The following TFAP2C variants were observed in gnomAD, a reference collection of about 807,000 sequenced individuals.
The protein encoded by TFAP2C is transcription factor AP-2 gamma, also known as activating enhancer-binding protein 2 gamma.
TFAP2C carries 9 observed loss-of-function variants against 42.9 expected under a neutral mutation model. The ratio of observed to expected loss-of-function variants is 0.21; its 90% CI spans 0.13 to 0.37. The LOEUF (loss-of-function observed/expected upper bound fraction) is 0.37. Ranked by LOEUF, TFAP2C falls within the 10% of genes least tolerant of loss-of-function variation. The pLI is 1.00. For missense variants in TFAP2C, 462 were observed against 591.7 expected, an observed-to-expected ratio of 0.78 and a Z score of 2.27; for synonymous variants, 264 against 256.0, an observed-to-expected ratio of 1.03 and a Z score of -0.30.
Position 56,631,438 on chromosome 20 carries a change from G to T in TFAP2C, c.282G>T (p.Ala94=). The T allele has an allele frequency of 1.3e-6, 2 of 1,584,334 alleles. No individual in the cohort carries two copies. Among genetic ancestry groups the T allele is most frequent in the Non-Finnish European group, 8.6e-7 (1 of 1,167,580 alleles). ...CCATCAACCCCCTGCACCAGCCGGC[G>T]CCCACAGGCAGCCAGCAGCAGGCCT... ...AAAINPLHQP[A]PTGSQQQAWP... Residue 94 remains alanine (A), a synonymous_variant, in exon 2 of 7, where the codon GCG becomes GCT. Transcript: ENST00000201031. This position sits in a 1 kb window ranked among gnomAD's most constrained non-coding sequence, Gnocchi z 6.1.
chr20:56,637,413 G>A (rs1268585999), intron 6 of TFAP2C, among the ~76,000 whole-genome samples: 1 of 152,204 alleles, frequency 6.6e-6, no homozygotes, highest in Non-Finnish European at 1.5e-5. Flanking sequence ...TTAAGCTCAT[G>A]GGTTGGAATC....
Position 56,630,730 on chromosome 20 carries a change from TTCCCGCGCCGCGCACTCTATCCGCGCC to T in TFAP2C, c.49-473_49-447del. The T allele has an allele frequency of 1.0e-6, 1 of 985,058 alleles. No individual in the cohort carries two copies. Among genetic ancestry groups the T allele is most frequent in the Non-Finnish European group, 1.2e-6 (1 of 829,820 alleles). 61.0% of individuals were successfully genotyped at this position (985,058 alleles called of 1,614,324 possible). On this transcript the variant is annotated intron_variant, in intron 1 of 6. Transcript: ENST00000201031. The surrounding 1 kb of genome is among the most constrained non-coding windows in gnomAD (Gnocchi z 5.1). ...TCCCGGGGGCGGGGGAGGTGCGCAT[TTCCCGCGCCGCGCACTCTATCCGCGCC>T]TGCCGCGCTGCCACCTCCAGCAGTC...
intron 3 of TFAP2C, 101 bp from the exon 4 acceptor site, chr20:56,633,252 C>A: frequency 4.6e-6 from 4 of 862,886 alleles, no homozygotes; most frequent in Non-Finnish European, 7.4e-6. Context: ...TGCAATGATG[C>A]TTGTCTAAAG....
At chr20:56,634,078 A>G (rs1048418920) in intron 4 of TFAP2C, 72 bp from the exon 5 acceptor site, 6 of 1,026,270 alleles carry the variant, frequency 5.8e-6, no homozygotes, top group Non-Finnish European at 7.5e-6. Context: ...AGGAGTTTAG[A>G]ATTTTTAAAG....
intron 3 of TFAP2C, 144 bp from the exon 4 acceptor site, chr20:56,633,209 A>T (rs1198559583): frequency 8.5e-5 from 49 of 576,904 alleles, no homozygotes; most frequent in South Asian, 1.7e-4. Flanking sequence ...TTTTTTTTTT[A>T]AATAAAGTCA....
In TFAP2C at chr20:56,638,058, TG is replaced by T; in HGVS notation, c.*46del. Reference sequence around the variant, plus strand: ...TAGGAGAGTAGGGAAGGAACAGGACTGCAAAAATCCTTCTCCACCGCACAGA... The same window carrying T: ...TAGGAGAGTAGGGAAGGAACAGGACTCAAAAATCCTTCTCCACCGCACAGA... On this transcript the variant is annotated 3_prime_UTR_variant, in exon 7 of 7. Coordinates refer to ENST00000201031, the MANE Select transcript of TFAP2C (RefSeq NM_003222.4). 6.4e-7 allele frequency: 1 copy of T among 1,554,404 alleles called. No individual in the cohort carries two copies. The highest frequency in any genetic ancestry group is 1.9e-5 in the Admixed American group (1 of 53,662).
rs774324867 is a variant in TFAP2C at position 56,630,883 on chromosome 20, T to C, written c.49-322T>C. The C allele has an allele frequency of 3.9e-5, 38 of 985,030 alleles. No individual in the cohort carries two copies. The highest frequency in any genetic ancestry group is 4.5e-5 in the Non-Finnish European group (37 of 829,818). The allele number at this position is 985,030 out of a possible 1,614,324, so 61.0% of individuals were successfully genotyped here. A position where few individuals can be genotyped will look rare whatever the true frequency, so the allele number is the denominator to read the frequency against. ...TCGCCCCGGGCTCCGGCCACGGACT[T>C]TTCTGGCCCAAGACCCAGGGTTCGG... On this transcript the variant is annotated intron_variant, in intron 1 of 6. Coordinates refer to ENST00000201031, the MANE Select transcript of TFAP2C (RefSeq NM_003222.4). The surrounding 1 kb of genome is among the most constrained non-coding windows in gnomAD (Gnocchi z 5.1).
intron 5 of TFAP2C, among the ~76,000 whole-genome samples, chr20:56,636,041 C>T (rs950474928): frequency 1.3e-5 from 2 of 152,148 alleles, no homozygotes; most frequent in African/African-American, 4.8e-5. Context: ...TCTGAACCCA[C>T]GGATACAGAG....
intron 5 of TFAP2C, among the ~76,000 whole-genome samples, chr20:56,634,716 A>G (rs1234022823): frequency 1.3e-5 from 2 of 152,174 alleles, no homozygotes; most frequent in African/African-American, 4.8e-5. Context: ...GTCAGTGAAG[A>G]GAACCTCTTG....
Position 56,631,587 on chromosome 20 carries a change from G to A in TFAP2C, c.431G>A (p.Arg144His). 1 of 1,543,598 alleles carries A rather than the reference G, an allele frequency of 6.5e-7. No individual in the cohort carries two copies. Among genetic ancestry groups the A allele is most frequent in the South Asian group, 1.2e-5 (1 of 84,074 alleles). Reference sequence around the variant, plus strand: ...GTGAGCGCCCGCAGGGATGCCTACCGCCGCTCCGACCTGCTGCTGCCCCAC... The same window carrying A: ...GTGAGCGCCCGCAGGGATGCCTACCACCGCTCCGACCTGCTGCTGCCCCAC... ...GAVSARRDAY[R>H]RSDLLLPHAH... The change falls in exon 2 of 7, where the codon CGC (arginine) becomes CAC (histidine). Residue 144 changes from arginine to histidine, a missense_variant. By Grantham distance (29) the Arg-to-His change is conservative. This residue lies in a region of TFAP2C where 271 missense variants were observed against 269.7 expected (regional missense o/e 1.00). Coordinates refer to ENST00000201031, the MANE Select transcript of TFAP2C (RefSeq NM_003222.4). The surrounding 1 kb of genome is among the most constrained non-coding windows in gnomAD (Gnocchi z 6.1).
Position 56,631,741 on chromosome 20 carries a change from G to T in TFAP2C, c.534+51G>T, listed in dbSNP as rs1471470813. 1.2e-6 allele frequency: 2 copies of T among 1,612,346 alleles called. No individual in the cohort carries two copies. Among genetic ancestry groups the T allele is most frequent in the Non-Finnish European group, 8.5e-7 (1 of 1,179,522 alleles). ...GGACCTGTTCACCCTACGGCCTTCT[G>T]CCCCCACCCCGCACTCCTCTAGGCT... On this transcript the variant is annotated intron_variant, in intron 2 of 6. Coordinates refer to ENST00000201031, the MANE Select transcript of TFAP2C (RefSeq NM_003222.4). The surrounding 1 kb of genome is among the most constrained non-coding windows in gnomAD (Gnocchi z 6.1).
chr20:56,635,648 C>T (rs963051530), intron 5 of TFAP2C, among the ~76,000 whole-genome samples: 1 of 151,784 alleles, frequency 6.6e-6, no homozygotes, highest in South Asian at 2.1e-4. Flanking sequence ...TTAAATTTTC[C>T]TACTTCCCCA....
At position 56,638,282 on chromosome 20, in the gene TFAP2C, C is replaced by T. The variant is rs780008992; in HGVS notation, c.*269C>T. Reference sequence around the variant, plus strand: ...CATTAAGCTTTTTTTTTTTGAACCCCATTCTTTCCTTCTCTGAAAGTGGTG... The same window carrying T: ...CATTAAGCTTTTTTTTTTTGAACCCTATTCTTTCCTTCTCTGAAAGTGGTG... On this transcript the variant is annotated 3_prime_UTR_variant, in exon 7 of 7. Transcript: ENST00000201031. 3 of 378,974 alleles carry T rather than the reference C, an allele frequency of 7.9e-6. No homozygotes were observed. The highest frequency in any genetic ancestry group is 1.4e-5 in the Non-Finnish European group (3 of 211,082). 23.5% of individuals were successfully genotyped at this position (378,974 alleles called of 1,614,324 possible).
Position 56,629,641 on chromosome 20 carries a change from G to T in TFAP2C, c.48+49G>T. On this transcript the variant is annotated intron_variant, in intron 1 of 6. Coordinates refer to ENST00000201031, the MANE Select transcript of TFAP2C (RefSeq NM_003222.4). The surrounding 1 kb of genome is among the most constrained non-coding windows in gnomAD (Gnocchi z 5.9). ...GCCCCGCCCCGCCGAGGACAGTCCG[G>T]GAGGCAGGGGCCACTGGACCGAGGT... 4 of 1,359,120 alleles carry T rather than the reference G, an allele frequency of 2.9e-6. No homozygotes were observed. In the East Asian group the frequency reaches 1.1e-4, roughly 38 times the overall value. The allele number at this position is 1,359,120 out of a possible 1,614,324, so 84.2% of individuals were successfully genotyped here. A position where few individuals can be genotyped will look rare whatever the true frequency, so the allele number is the denominator to read the frequency against.
At position 56,629,402 on chromosome 20, in the gene TFAP2C, C is replaced by A; in HGVS notation, c.-143C>A. ...GCTCGCAGAGCCGCCGATGCGTGTC[C>A]AGTGACCCGGACAGCAAGGCCCGCG... On this transcript the variant is annotated 5_prime_UTR_variant, in exon 1 of 7. Transcript: ENST00000201031. This position sits in a 1 kb window ranked among gnomAD's most constrained non-coding sequence, Gnocchi z 5.9. 1.6e-6 allele frequency: 1 copy of A among 621,862 alleles called. No individual in the cohort carries two copies. The highest frequency in any genetic ancestry group is 2.5e-6 in the Non-Finnish European group (1 of 405,986). 38.5% of individuals were successfully genotyped at this position (621,862 alleles called of 1,614,324 possible).
At position 56,631,258 on chromosome 20, in the gene TFAP2C, C is replaced by A; in HGVS notation, c.102C>A (p.Ser34=). ...NGNPRVPHLS[S]AGQHLYSPAP... ...ATCCGCGGGTCCCCCACCTCTCCTC[C>A]GCCGGGCAGCACCTCTACAGCCCCG... The change falls in exon 2 of 7, where the codon TCC becomes TCA. Residue 34 remains serine, a synonymous_variant. Coordinates refer to ENST00000201031, the MANE Select transcript of TFAP2C (RefSeq NM_003222.4). The surrounding 1 kb of genome is among the most constrained non-coding windows in gnomAD (Gnocchi z 6.1). 6.3e-7 allele frequency: 1 copy of A among 1,587,660 alleles called. No homozygotes were observed. The highest frequency in any genetic ancestry group is 8.6e-7 in the Non-Finnish European group (1 of 1,168,128).
intron 5 of TFAP2C, among the ~76,000 whole-genome samples, chr20:56,634,553 G>T (rs74497783): frequency 0.017 from 2,622 of 152,292 alleles, 82 homozygotes; most frequent in African/African-American, 0.06. Context: ...CACTCTAGGG[G>T]TGTCGGCATT....
At position 56,638,174 on chromosome 20, in the gene TFAP2C, ACTT is replaced by A; in HGVS notation, c.*165_*167del. 1.5e-6 allele frequency: 1 copy of A among 652,676 alleles called. No individual in the cohort carries two copies. Among genetic ancestry groups the A allele is most frequent in the Non-Finnish European group, 2.6e-6 (1 of 387,298 alleles). 40.4% of individuals were successfully genotyped at this position (652,676 alleles called of 1,614,324 possible). ...CTGGTTCTGCATCACCCGCCCCTGG[ACTT>A]CTTAGTTGTTTCTCTAGCGCTGAGC... On this transcript the variant is annotated 3_prime_UTR_variant, in exon 7 of 7. Transcript: ENST00000201031.
rs1233370184 is a variant in TFAP2C, at chr20:56,636,683, A to C, written c.996A>C (p.Glu332Asp). 3 of 1,614,082 alleles carry C rather than the reference A, an allele frequency of 1.9e-6. No homozygotes were observed. ...EAEFPSKPVA[E>D]YLTRPHLGGR... ...AATTTCCTAGTAAACCAGTGGCAGA[A>C]TATTTAACCAGACCTCATCTTGGAG... The change falls in exon 6 of 7, where the codon GAA becomes GAC. Residue 332 changes from glutamate (E) to aspartate (D), a missense_variant. Glu to Asp is a conservative substitution (Grantham distance 45). Transcript: ENST00000201031.
Sources: gnomAD v4.1 joint callset for allele counts (sites outside exome capture counted in the v4.1 genomes callset) on GRCh38, gnomAD v4.1.1 for gene constraint, gnomAD v4.1.1 regional missense constraint, Gnocchi (gnomAD v3.1) non-coding constraint, MANE v1.5 for transcripts, NCBI Gene and HGNC (gene_info 2026-07-23, HGNC 2026-07-21) for gene names.